The following ZFAND3 variants were observed in gnomAD, a reference collection of about 807,000 sequenced individuals.
ZFAND3 encodes AN1-type zinc finger protein 3.
In ZFAND3, 10 loss-of-function variants were observed where a neutral mutation model predicts 29.6. The observed-to-expected ratio is 0.34, with a 90% confidence interval of 0.21 to 0.57. The LOEUF (loss-of-function observed/expected upper bound fraction) is 0.57. ZFAND3 is among the 20% of genes least tolerant of loss of function. The pLI is 0.86. For missense variants in ZFAND3, 230 were observed against 304.5 expected (o/e 0.76, Z 1.82); for synonymous variants, 128 against 112.6 (o/e 1.14, Z -0.87).
chr6:37,952,970 T>G (rs1369639913), intron 2 of ZFAND3, among the ~76,000 whole-genome samples: 3 of 152,020 alleles, frequency 2.0e-5, no homozygotes, highest in Non-Finnish European at 4.4e-5. Context: ...TTCTCCCATT[T>G]ATTTTTTCCG....
rs531446984 is a variant in ZFAND3, at chr6:37,847,922, A to C, written c.71+27906A>C. On this transcript the variant is annotated intron_variant, in intron 1 of 5. Transcript: ENST00000287218. ...TCATTGGTGGTTAATTTTGTGCTAC[A>C]GTGACAGAATTGAGTAGTTGTGACA... 3.3e-5 allele frequency among the ~76,000 whole-genome samples: 5 copies of C among 152,364 alleles called. No individual in the cohort carries two copies. The South Asian group carries it at 6.2e-4, about 19-fold the overall frequency.
At chr6:37,886,237 C>CAAAAAAAAAAAAAAAAA (rs55661554) in intron 1 of ZFAND3, among the ~76,000 whole-genome samples, 2 of 95,304 alleles carry the variant, frequency 2.1e-5, no homozygotes, top group Middle Eastern at 5.9e-3. Flanking sequence ...GACTCTGTCT[C>CAAAAAAAAAAAAAAAAA]AAAAAAAAAA....
chr6:38,154,135 C>T lies in ZFAND3; in HGVS notation c.*1746C>T. On this transcript the variant is annotated 3_prime_UTR_variant, in exon 6 of 6. Transcript: ENST00000287218. ...GGGCAGAGGGGCCAGGTCTGCCCAG[C>T]GTTTACCACTGCTGTCAAGCCACAG... is the stretch of plus-strand genomic sequence containing the variant. The T allele has an allele frequency of 1.6e-5, 16 of 985,574 alleles. No homozygotes were observed. The highest frequency in any genetic ancestry group is 1.8e-5 in the Non-Finnish European group (15 of 830,010). 61.1% of individuals were successfully genotyped at this position (985,574 alleles called of 1,614,324 possible).
At chr6:38,144,940 G>T (rs555309043) in intron 5 of ZFAND3, among the ~76,000 whole-genome samples, 1 of 152,290 alleles carries the variant, frequency 6.6e-6, no homozygotes, top group South Asian at 2.1e-4. Flanking sequence ...AATGTCAGGG[G>T]CTCAACTTTT....
intron 3 of ZFAND3, among the ~76,000 whole-genome samples, chr6:38,081,671 T>A (rs1442333953): frequency 1.3e-5 from 2 of 152,064 alleles, no homozygotes; most frequent in Non-Finnish European, 2.9e-5. Context: ...AATATCAACC[T>A]CAGAATGTGT....
At chr6:38,026,887 T>A (rs1277232211) in intron 2 of ZFAND3, among the ~76,000 whole-genome samples, 1 of 151,680 alleles carries the variant, frequency 6.6e-6, no homozygotes, top group African/African-American at 2.4e-5. Context: ...ATTTCCTGCC[T>A]GCACATTAGC....
intron 2 of ZFAND3, among the ~76,000 whole-genome samples, chr6:37,930,720 T>C (rs1321095168): frequency 2.0e-5 from 3 of 152,174 alleles, no homozygotes; most frequent in African/African-American, 7.2e-5. Flanking sequence ...GTTGAAACTT[T>C]TAGGTCTTTT....
chr6:37,888,389 A>G (rs1346565672), intron 1 of ZFAND3, among the ~76,000 whole-genome samples: 4 of 152,118 alleles, frequency 2.6e-5, no homozygotes, highest in Non-Finnish European at 5.9e-5. Context: ...GAGAATTAAC[A>G]TCTGAAATGT....
chr6:37,859,491 T>G (rs147450588), intron 1 of ZFAND3, among the ~76,000 whole-genome samples: 1 of 152,256 alleles, frequency 6.6e-6, no homozygotes, highest in Non-Finnish European at 1.5e-5. Context: ...CTTTAAATAG[T>G]ATATTGTATG....
intron 2 of ZFAND3, among the ~76,000 whole-genome samples, chr6:38,045,404 T>G (rs1763883573): frequency 6.6e-6 from 1 of 152,136 alleles, no homozygotes; most frequent in Admixed American, 6.5e-5. Context: ...TATGTCGAAA[T>G]TCTAATACAT....
intron 4 of ZFAND3, among the ~76,000 whole-genome samples, chr6:38,112,844 T>C (rs1459548964): frequency 6.6e-6 from 1 of 152,262 alleles, no homozygotes; most frequent in East Asian, 1.9e-4. Context: ...GAAATGTAAA[T>C]TTCTTATGCA....
intron 5 of ZFAND3, among the ~76,000 whole-genome samples, chr6:38,133,516 G>A (rs1765782935): frequency 2.0e-5 from 3 of 152,138 alleles, no homozygotes; most frequent in South Asian, 4.1e-4. Context: ...TTGGGAGGCC[G>A]AGGCGGGCGG....
intron 1 of ZFAND3, among the ~76,000 whole-genome samples, chr6:37,841,720 T>G (rs1447359411): frequency 6.6e-6 from 1 of 152,202 alleles, no homozygotes; most frequent in African/African-American, 2.4e-5. Flanking sequence ...CCTCACCTTG[T>G]GATCCACCAG....
At position 37,930,017 on chromosome 6, in the gene ZFAND3, GT is replaced by G; in HGVS notation, c.112+24del. ...CTTTGCTGGTAAGTGCAGAAAAAGG[GT>G]TTTTTAATTTACTTTCATTTTTCTT... On this transcript the variant is annotated intron_variant, in intron 2 of 5. Transcript: ENST00000287218. The G allele has an allele frequency of 6.4e-7, 1 of 1,556,968 alleles. No individual in the cohort carries two copies. The highest frequency in any genetic ancestry group is 1.3e-5 in the South Asian group (1 of 79,982).
intron 1 of ZFAND3, among the ~76,000 whole-genome samples, chr6:37,876,762 A>G (rs535274008): frequency 1.3e-5 from 2 of 152,326 alleles, no homozygotes; most frequent in South Asian, 2.1e-4. Flanking sequence ...GCATATATTG[A>G]TAGGAAAATA....
chr6:37,868,376 A>C (rs1044886166), intron 1 of ZFAND3, among the ~76,000 whole-genome samples: 1 of 152,190 alleles, frequency 6.6e-6, no homozygotes, highest in Non-Finnish European at 1.5e-5. Context: ...ACTTTCAGAG[A>C]AACTGGAACA....
intron 1 of ZFAND3, among the ~76,000 whole-genome samples, chr6:37,921,060 C>T (rs750186415): frequency 5.3e-5 from 8 of 152,122 alleles, no homozygotes; most frequent in Non-Finnish European, 1.2e-4. Flanking sequence ...TTTGTTTTTC[C>T]CTTCCTTTCC....
intron 1 of ZFAND3, among the ~76,000 whole-genome samples, chr6:37,901,130 A>T (rs1334648983): frequency 1.3e-5 from 2 of 152,166 alleles, no homozygotes; most frequent in Non-Finnish European, 2.9e-5. Context: ...CAAGCCGTCC[A>T]ATTTTTGGCA....
intron 2 of ZFAND3, among the ~76,000 whole-genome samples, chr6:37,977,204 T>A (rs1762494846): frequency 6.6e-6 from 1 of 152,226 alleles, no homozygotes. Context: ...TCATTGTATA[T>A]GTGGTCTGTC....
Sources: allele counts gnomAD v4.1 joint callset (sites outside exome capture counted in the v4.1 genomes callset), GRCh38; gene constraint gnomAD v4.1.1; transcripts MANE v1.5; gene names NCBI Gene and HGNC (gene_info 2026-07-23, HGNC 2026-07-21).